RXFP2: variants seen among roughly 807,000 people sequenced by gnomAD.
RXFP2 encodes the protein relaxin family peptide receptor 2.
A neutral mutation model predicts 88.6 loss-of-function variants in RXFP2; 68 were observed. The ratio of observed to expected loss-of-function variants is 0.77; its 90% CI spans 0.63 to 0.94. The LOEUF is 0.94. Ranked by LOEUF, RXFP2 falls within the 40% of genes least tolerant of loss-of-function variation. The pLI is 0.00. For synonymous variants in RXFP2, 329 were observed against 306.8 expected, an observed-to-expected ratio of 1.07 and a Z score of -0.76; for missense variants, 791 against 893.9, an observed-to-expected ratio of 0.88 and a Z score of 1.47.
At position 31,763,083 on chromosome 13, in the gene RXFP2, T is replaced by A. The variant is rs1315298843; in HGVS notation, c.319+1282T>A. 1.1e-3 allele frequency among the ~76,000 whole-genome samples: 3 copies of A among 2,610 alleles called. No homozygotes were observed. In the Non-Finnish European group the frequency reaches 0.019, roughly 17 times the overall value. 1.7% of individuals were successfully genotyped at this position (2,610 alleles called of 152,430 possible). A position where few individuals can be genotyped will look rare whatever the true frequency, so the allele number is the denominator to read the frequency against. On this transcript the variant is annotated intron_variant, in intron 3 of 17. Coordinates refer to ENST00000298386, the MANE Select transcript of RXFP2 (RefSeq NM_130806.5). Reference sequence around the variant, plus strand: ...GAACGTTTGACAGTGTCTGGAGACTTTTTTTTTTTTTTTTTTTTGAGACAG... The same window carrying A: ...GAACGTTTGACAGTGTCTGGAGACTATTTTTTTTTTTTTTTTTTGAGACAG...
At chr13:31,787,216 G>A (rs564429022) in intron 13 of RXFP2, among the ~76,000 whole-genome samples, 1 of 152,314 alleles carries the variant, frequency 6.6e-6, no homozygotes, top group South Asian at 2.1e-4. Flanking sequence ...GCTAAAGGTT[G>A]TTTGTTTTCA....
chr13:31,751,255 G>A (rs1404475561), intron 1 of RXFP2, among the ~76,000 whole-genome samples: 2 of 152,188 alleles, frequency 1.3e-5, no homozygotes, highest in East Asian at 3.9e-4. Context: ...TCATGCCATT[G>A]CACTCCAGCC....
intron 1 of RXFP2, among the ~76,000 whole-genome samples, chr13:31,742,938 A>G (rs1871272622): frequency 6.6e-6 from 1 of 152,214 alleles, no homozygotes; most frequent in African/African-American, 2.4e-5. Context: ...GGGTAAAATG[A>G]GTGTGCTTGT....
At chr13:31,799,418 G>C (rs1316797860) in intron 17 of RXFP2, among the ~76,000 whole-genome samples, 1 of 151,980 alleles carries the variant, frequency 6.6e-6, no homozygotes, top group East Asian at 1.9e-4. Context: ...CACCATGTTG[G>C]CCAGGCTGGT....
chr13:31,782,404 A>G (rs1485362546), intron 10 of RXFP2, among the ~76,000 whole-genome samples: 1 of 152,240 alleles, frequency 6.6e-6, no homozygotes, highest in Non-Finnish European at 1.5e-5. Context: ...AAATTAAAAG[A>G]GACATTTTCT....
chr13:31,751,120 T>A (rs760053475), intron 1 of RXFP2, among the ~76,000 whole-genome samples: 1 of 152,028 alleles, frequency 6.6e-6, no homozygotes, highest in Non-Finnish European at 1.5e-5. Flanking sequence ...TGAAACCCCA[T>A]CTGTACTAAA....
intron 1 of RXFP2, among the ~76,000 whole-genome samples, chr13:31,753,036 T>C (rs1871743689): frequency 6.6e-6 from 1 of 152,190 alleles, no homozygotes; most frequent in South Asian, 2.1e-4. Flanking sequence ...GTCTGACTTT[T>C]GTTAAACACC....
At chr13:31,773,015 T>C (rs1261842715) in intron 5 of RXFP2, among the ~76,000 whole-genome samples, 2 of 152,248 alleles carry the variant, frequency 1.3e-5, no homozygotes, top group African/African-American at 4.8e-5. Flanking sequence ...ATACCTACAA[T>C]ACAGTATTTT....
chr13:31,774,489 C>G, intron 5 of RXFP2, 131 bp from the exon 6 acceptor site: 1 of 697,580 alleles, frequency 1.4e-6, no homozygotes, highest in Non-Finnish European at 2.6e-6. Flanking sequence ...AACATCTCCC[C>G]AACATGAGAA....
intron 13 of RXFP2, among the ~76,000 whole-genome samples, chr13:31,788,756 C>T (rs775394788): frequency 4.6e-5 from 7 of 152,036 alleles, no homozygotes; most frequent in Non-Finnish European, 8.8e-5. Context: ...TGATGCTCTC[C>T]GGTTGGAAAG....
At chr13:31,773,083 C>A (rs1872792307) in intron 5 of RXFP2, among the ~76,000 whole-genome samples, 1 of 152,186 alleles carries the variant, frequency 6.6e-6, no homozygotes, top group African/African-American at 2.4e-5. Context: ...AACTTCATTG[C>A]ATCAGTCTCA....
intron 9 of RXFP2, among the ~76,000 whole-genome samples, chr13:31,781,414 T>G (rs1442741440): frequency 6.6e-6 from 1 of 152,112 alleles, no homozygotes; most frequent in African/African-American, 2.4e-5. Flanking sequence ...TGGGCAATAT[T>G]ATAATTAATA....
At chr13:31,766,711 T>C (rs564536333) in intron 5 of RXFP2, among the ~76,000 whole-genome samples, 1 of 152,326 alleles carries the variant, frequency 6.6e-6, no homozygotes, top group Admixed American at 6.5e-5. Flanking sequence ...CCAAGAAACC[T>C]TAGGATGATG....
At chr13:31,746,758 G>A (rs937011471) in intron 1 of RXFP2, among the ~76,000 whole-genome samples, 1 of 89,972 alleles carries the variant, frequency 1.1e-5, no homozygotes, top group Non-Finnish European at 2.3e-5. Context: ...AACCCCACAG[G>A]CTAAAAAATA....
intron 13 of RXFP2, among the ~76,000 whole-genome samples, chr13:31,787,305 A>T (rs1010123578): frequency 1.7e-4 from 26 of 152,228 alleles, no homozygotes; most frequent in African/African-American, 6.0e-4. Flanking sequence ...TCTTAGTATC[A>T]TCTTTTATTC....
intron 7 of RXFP2, among the ~76,000 whole-genome samples, chr13:31,776,076 CTTTCCTTCCTTCTTTCTTTCTTTTCT>C (rs1872935580): frequency 5.1e-5 from 5 of 98,986 alleles, no homozygotes; most frequent in Admixed American, 4.8e-4. Context: ...TTCTTTCTTT[CTTTCCTTCCTTCTTTCTTTCTTTTCT>C]TTTCTTTCTT....
chr13:31,798,058 T>A (rs1315515186), intron 17 of RXFP2, among the ~76,000 whole-genome samples: 1 of 152,156 alleles, frequency 6.6e-6, no homozygotes, highest in East Asian at 1.9e-4. Flanking sequence ...AGTAAAATAG[T>A]TTGGAATCAT....
intron 1 of RXFP2, among the ~76,000 whole-genome samples, chr13:31,748,281 A>G (rs1055085554): frequency 1.3e-5 from 2 of 152,216 alleles, no homozygotes; most frequent in African/African-American, 4.8e-5. Flanking sequence ...GGTTTGCACA[A>G]TTTCAAACTT....
chr13:31,785,841 T>G (rs1283290829), intron 11 of RXFP2, among the ~76,000 whole-genome samples: 1 of 152,154 alleles, frequency 6.6e-6, no homozygotes, highest in African/African-American at 2.4e-5. Context: ...CCTATTATAT[T>G]TAATTCTAAA....
Sources: allele counts gnomAD v4.1 joint callset (sites outside exome capture counted in the v4.1 genomes callset), GRCh38; gene constraint gnomAD v4.1.1; transcripts MANE v1.5; gene names NCBI Gene and HGNC (gene_info 2026-07-23, HGNC 2026-07-21).